MAST4: variants seen among roughly 807,000 people sequenced by gnomAD.
MAST4 encodes the protein microtubule associated serine/threonine kinase family member 4.
A neutral mutation model predicts 162.7 loss-of-function variants in MAST4; 89 were observed. The observed-to-expected ratio is 0.55, with a 90% CI of 0.46 to 0.65. MAST4 has a LOEUF of 0.65. MAST4 is among the 30% of genes least tolerant of loss of function. The pLI is 0.00. For missense variants in MAST4, 3,153 were observed against 3,374.0 expected (o/e 0.93, Z 1.62); for synonymous variants, 1,479 against 1,361.1 (o/e 1.09, Z -1.91).
chr5:66,814,516 C>T (rs183736195), intron 3 of MAST4, among the ~76,000 whole-genome samples: 1 of 152,302 alleles, frequency 6.6e-6, no homozygotes, highest in Non-Finnish European at 1.5e-5. Flanking sequence ...CCGCATTTCT[C>T]ATTAGATGAT....
intron 3 of MAST4, among the ~76,000 whole-genome samples, chr5:66,815,770 A>ATCCTTTTG (rs1461296027): frequency 6.6e-6 from 1 of 152,172 alleles, no homozygotes; most frequent in East Asian, 1.9e-4. Context: ...GGATACATAC[A>ATCCTTTTG]TCCTTTTGAA....
intron 26 of MAST4, among the ~76,000 whole-genome samples, chr5:67,155,586 A>G (rs901414736): frequency 3.3e-5 from 5 of 152,304 alleles, no homozygotes; most frequent in Admixed American, 3.3e-4. Flanking sequence ...TCCCCAATGC[A>G]TAGGAGAAGC....
At chr5:66,878,696 T>C (rs1408174207) in intron 3 of MAST4, among the ~76,000 whole-genome samples, 1 of 152,202 alleles carries the variant, frequency 6.6e-6, no homozygotes, top group Non-Finnish European at 1.5e-5. Context: ...GTGATGTTCT[T>C]TTTACCTAAA....
rs908962568 is a variant in MAST4, at chr5:66,596,604, AGT to A, written c.-50_-49del. The stretch of plus-strand genomic sequence containing the variant: ...CCCGCGTCTTCCCCGGGAGGCGCTG[AGT>A]GCGCGCCGCGCCCCCGCCGCTCGGG... On this transcript the variant is annotated 5_prime_UTR_variant, in exon 1 of 29. Coordinates refer to ENST00000403625, the MANE Select transcript of MAST4 (RefSeq NM_001164664.2). 5.8e-6 allele frequency: 8 copies of A among 1,382,714 alleles called. No homozygotes were observed. In the African/African-American group the frequency reaches 1.2e-4, roughly 21 times the overall value. 85.7% of individuals were successfully genotyped at this position (1,382,714 alleles called of 1,614,324 possible).
intron 1 of MAST4, among the ~76,000 whole-genome samples, chr5:66,747,862 G>A (rs541891412): frequency 1.3e-5 from 2 of 152,280 alleles, no homozygotes; most frequent in Admixed American, 1.3e-4. Context: ...ACCAAAAATG[G>A]GTTCAGATAC....
At chr5:66,948,553 A>G (rs1441809762) in intron 4 of MAST4, among the ~76,000 whole-genome samples, 1 of 152,074 alleles carries the variant, frequency 6.6e-6, no homozygotes, top group Non-Finnish European at 1.5e-5. Flanking sequence ...AGCTTGCACC[A>G]TTCCTCCACA....
chr5:67,028,698 G>C (rs1410337733), intron 4 of MAST4, among the ~76,000 whole-genome samples: 1 of 152,192 alleles, frequency 6.6e-6, no homozygotes, highest in Non-Finnish European at 1.5e-5. Context: ...TGGGAACACA[G>C]AAGCAAGACA....
At position 67,166,849 on chromosome 5, in the gene MAST4, T is replaced by C. The variant is rs974298064; in HGVS notation, c.7670T>C (p.Val2557Ala). 3 of 1,604,090 alleles carry C rather than the reference T, an allele frequency of 1.9e-6. No homozygotes were observed. The highest frequency in any genetic ancestry group is 3.4e-5 in the Admixed American group (2 of 58,604). The change falls in exon 29 of 29, where the codon GTA becomes GCA. Residue 2557 changes from valine (V) to alanine (A), a missense_variant. Val to Ala is a moderately conservative substitution (Grantham distance 64, BLOSUM62 0). Coordinates refer to ENST00000403625, the MANE Select transcript of MAST4 (RefSeq NM_001164664.2). ...AGGGCTCTCTCGGTGACTGCCACCGTAGGGGAAACCAAAGGGAAGGACCCT... is the reference window on the plus strand; with the variant it reads ...AGGGCTCTCTCGGTGACTGCCACCGCAGGGGAAACCAAAGGGAAGGACCCT... ...RDRALSVTAT[V>A]GETKGKDPAP...
chr5:66,948,902 G>A (rs972709897), intron 4 of MAST4, among the ~76,000 whole-genome samples: 1 of 152,080 alleles, frequency 6.6e-6, no homozygotes, highest in African/African-American at 2.4e-5. Flanking sequence ...CTATAAAGAT[G>A]TGTGACTCCT....
intron 5 of MAST4, among the ~76,000 whole-genome samples, chr5:67,070,909 G>T (rs747745438): frequency 1.3e-5 from 2 of 152,114 alleles, no homozygotes; most frequent in African/African-American, 2.4e-5. Flanking sequence ...CAAAGAAGCC[G>T]CATTTTGTGC....
chr5:67,068,139 C>T (rs1161649415), intron 5 of MAST4, among the ~76,000 whole-genome samples: 1 of 152,154 alleles, frequency 6.6e-6, no homozygotes, highest in Non-Finnish European at 1.5e-5. Context: ...GGGACATCTC[C>T]AGAGTGAGCC....
chr5:66,611,182 A>T (rs547751322), intron 1 of MAST4, among the ~76,000 whole-genome samples: 5 of 152,300 alleles, frequency 3.3e-5, no homozygotes, highest in South Asian at 2.1e-4. Flanking sequence ...AGACTTTAAG[A>T]CTTTAAATTC....
chr5:66,902,017 A>G (rs909264813), intron 4 of MAST4, among the ~76,000 whole-genome samples: 2 of 152,192 alleles, frequency 1.3e-5, no homozygotes, highest in Non-Finnish European at 2.9e-5. Context: ...GTTAGCCAAC[A>G]TAATAGTACC....
intron 2 of MAST4, among the ~76,000 whole-genome samples, chr5:66,761,584 A>G (rs1025932180): frequency 6.7e-6 from 1 of 148,336 alleles, no homozygotes; most frequent in South Asian, 2.1e-4. Context: ...TTGGAGAACT[A>G]TGGATTTTGA....
chr5:66,747,779 G>A (rs1204974254), intron 1 of MAST4, among the ~76,000 whole-genome samples: 1 of 152,186 alleles, frequency 6.6e-6, no homozygotes, highest in African/African-American at 2.4e-5. Flanking sequence ...ATACTTTGTT[G>A]TGGGAAGCTG....
At chr5:66,619,640 C>T (rs1247054310) in intron 1 of MAST4, among the ~76,000 whole-genome samples, 2 of 152,002 alleles carry the variant, frequency 1.3e-5, no homozygotes, top group Non-Finnish European at 2.9e-5. Context: ...TATTTCTATG[C>T]ATAGTCTCAG....
intron 23 of MAST4, among the ~76,000 whole-genome samples, chr5:67,148,199 A>G (rs1055028943): frequency 6.6e-6 from 1 of 152,164 alleles, no homozygotes; most frequent in African/African-American, 2.4e-5. Flanking sequence ...CTCTGCATGG[A>G]TTGTATCTCT....
chr5:66,971,033 G>C (rs1747367952), intron 4 of MAST4, among the ~76,000 whole-genome samples: 1 of 152,170 alleles, frequency 6.6e-6, no homozygotes, highest in African/African-American at 2.4e-5. Context: ...TCAAGCTCAA[G>C]CATCTGGTTG....
intron 1 of MAST4, among the ~76,000 whole-genome samples, chr5:66,691,044 T>C (rs186130168): frequency 1.4e-4 from 22 of 152,288 alleles, no homozygotes; most frequent in Admixed American, 1.3e-3. Flanking sequence ...TTAACTTTAT[T>C]GTCCTAATAA....
Sources: allele counts gnomAD v4.1 joint callset (sites outside exome capture counted in the v4.1 genomes callset), GRCh38; gene constraint gnomAD v4.1.1; transcripts MANE v1.5; gene names NCBI Gene and HGNC (gene_info 2026-07-23, HGNC 2026-07-21).